The following PDLIM2 variants were observed in gnomAD, a reference collection of about 807,000 sequenced individuals.
PDLIM2 encodes the protein PDZ and LIM domain 2, also known as PDZ and LIM domain protein 2.
Under a neutral mutation model 54.1 loss-of-function variants are expected in PDLIM2, and 51 were observed. That is an observed-to-expected ratio of 0.94 (90% CI 0.75 to 1.19). PDLIM2 has a LOEUF of 1.19. Among genes scored for constraint, PDLIM2 ranks in the 50% most tolerant of loss-of-function variants. PDLIM2 has a pLI of 0.00. For missense variants in PDLIM2, 912 were observed against 874.0 expected, an observed-to-expected ratio of 1.04 and a Z score of -0.55; for synonymous variants, 398 against 385.6, an observed-to-expected ratio of 1.03 and a Z score of -0.38.
chr8:22,591,967 C>G (rs1251002615), intron 9 of PDLIM2: 1 of 268,288 alleles, frequency 3.7e-6, no homozygotes, highest in African/African-American at 2.2e-5. Context: ...TACAGCACAT[C>G]CTCTTGGAAA....
chr8:22,584,443 G>T (rs1800311096), intron 3 of PDLIM2, among the ~76,000 whole-genome samples: 1 of 151,954 alleles, frequency 6.6e-6, no homozygotes, highest in African/African-American at 2.4e-5. Context: ...CAAGTAGCTG[G>T]GACTACCGGC....
chr8:22,597,753 C>T (rs937518949), downstream of PDLIM2: 3 of 152,588 alleles, frequency 2.0e-5, no homozygotes, highest in Non-Finnish European at 4.4e-5. Flanking sequence ...TGTGATTCCA[C>T]ACATCTTCTT....
downstream of PDLIM2, chr8:22,594,629 C>T (rs1563880567): frequency 6.2e-7 from 1 of 1,613,390 alleles, no homozygotes; most frequent in Non-Finnish European, 8.5e-7. Context: ...GACCAGGAGA[C>T]CCATCCAGCC....
Position 22,583,303 on chromosome 8 carries a change from C to A in PDLIM2, c.996-1518C>A, listed in dbSNP as rs2117342654. ...CTCGCCCTTTGTTTAACTGGGGAGA[C>A]CCCTGAGAAAGGGATCAGGAGTGAC... On this transcript the variant is annotated intron_variant, in intron 3 of 9. Transcript: ENST00000308354. Among the ~76,000 whole-genome samples the A allele has an allele frequency of 1.3e-5, 2 of 152,158 alleles. 1 individual carries two copies. Among genetic ancestry groups the A allele is most frequent in the South Asian group, 4.1e-4 (2 of 4,822 alleles).
intron 6 of PDLIM2, among the ~76,000 whole-genome samples, chr8:22,587,156 CTA>C (rs1186321061): frequency 1.3e-5 from 2 of 152,178 alleles, no homozygotes; most frequent in African/African-American, 2.4e-5. Flanking sequence ...ACCTCTGACC[CTA>C]TGGAGCTGAC....
rs759378348 is a variant in PDLIM2 at position 22,584,910 on chromosome 8, T to C, written c.1065+20T>C. 10 of 1,614,026 alleles carry C rather than the reference T, an allele frequency of 6.2e-6. No homozygotes were observed. Among genetic ancestry groups the C allele is most frequent in the African/African-American group, 1.3e-5 (1 of 75,018 alleles). ...TTCCAGGTAAGCTGGTGCCCTCCCC[T>C]GACAGCCTCAGCACCCTGATCACTG... On this transcript the variant is annotated intron_variant, in intron 4 of 9. Transcript: ENST00000308354.
intron 6 of PDLIM2, chr8:22,587,607 G>A (rs1306945069): frequency 6.6e-6 from 1 of 152,248 alleles, no homozygotes; most frequent in Non-Finnish European, 1.5e-5. Context: ...TGAAGGGGGA[G>A]CAGCTTTCCT....
At chr8:22,583,488 G>A (rs1407696417) in intron 3 of PDLIM2, among the ~76,000 whole-genome samples, 3 of 152,146 alleles carry the variant, frequency 2.0e-5, no homozygotes, top group East Asian at 1.9e-4. Context: ...TAATCAGGCC[G>A]GGCGCAGTGG....
chr8:22,580,608 GC>G lies in PDLIM2; in HGVS notation c.755del (p.Ala252GlyfsTer2), dbSNP rs1375367506. Reference sequence around the variant, plus strand: ...CCTGGTCCTCTCTTCCTCAGGTATGGCGTTGACGGTGGATGTGGCCGGGCCA... The same window carrying G: ...CCTGGTCCTCTCTTCCTCAGGTATGGGTTGACGGTGGATGTGGCCGGGCCA... On this transcript the variant is annotated frameshift_variant, in exon 2 of 10. Transcript: ENST00000308354. LOFTEE classifies it high-confidence loss of function. The G allele has an allele frequency of 2.5e-6, 4 of 1,614,046 alleles. No homozygotes were observed. Among genetic ancestry groups the G allele is most frequent in the Non-Finnish European group, 3.4e-6 (4 of 1,180,010 alleles).
exon 1 of PDLIM2, chr8:22,578,899 G>A: frequency 8.1e-7 from 1 of 1,238,226 alleles, no homozygotes; most frequent in Non-Finnish European, 1.0e-6. Flanking sequence ...CGGGCAGTCG[G>A]GGGCTTGCGG....
At chr8:22,580,287 TGCCA>T (rs1320944146) in intron 1 of PDLIM2, 184 bp from the exon 1 acceptor site, 1 of 415,362 alleles carries the variant, frequency 2.4e-6, no homozygotes, top group Admixed American at 4.0e-5. Flanking sequence ...CCCCTCCACT[TGCCA>T]GCCCCTGCCC....
exon 1 of PDLIM2, chr8:22,579,415 C>T (rs1800126739): frequency 6.6e-7 from 1 of 1,513,954 alleles, no homozygotes; most frequent in African/African-American, 1.4e-5. Flanking sequence ...CCCCAGCCCG[C>T]AGGGTACTTT....
At chr8:22,591,998 T>C in intron 9 of PDLIM2, 1 of 201,306 alleles carries the variant, frequency 5.0e-6, no homozygotes, top group East Asian at 1.1e-4. Flanking sequence ...TTCCCCTTCT[T>C]CCCCCTTTGG....
exon 1 of PDLIM2, chr8:22,579,276 G>T: frequency 7.3e-7 from 1 of 1,370,200 alleles, no homozygotes; most frequent in Non-Finnish European, 9.3e-7. Flanking sequence ...CCCGGCGCCG[G>T]GCTCCTCTCC....
chr8:22,582,030 G>C (rs941612423), intron 3 of PDLIM2, among the ~76,000 whole-genome samples: 3 of 152,194 alleles, frequency 2.0e-5, no homozygotes, highest in Non-Finnish European at 2.9e-5. Context: ...GCAGATGCCC[G>C]ATCCTGGGTT....
At chr8:22,584,680 T>G in intron 3 of PDLIM2, 141 bp from the exon 3 acceptor site, 1 of 705,656 alleles carries the variant, frequency 1.4e-6, no homozygotes, top group Non-Finnish European at 2.4e-6. Context: ...TTGACAAAGT[T>G]AAAAGTTGAC....
At chr8:22,591,520 C>G (rs765880432) in intron 8 of PDLIM2, 31 bp from the exon 8 acceptor site, 6 of 1,594,768 alleles carry the variant, frequency 3.8e-6, no homozygotes, top group Admixed American at 3.3e-5. Context: ...TTGGTGGGCT[C>G]TCACCACATG....
downstream of PDLIM2, chr8:22,596,773 T>C (rs1269860059): frequency 2.0e-5 from 3 of 152,252 alleles, no homozygotes; most frequent in South Asian, 2.1e-4. Flanking sequence ...GTGCTTTTGA[T>C]GTGCTAGGGA....
At chr8:22,589,087 G>A in intron 6 of PDLIM2, 1 of 495,034 alleles carries the variant, frequency 2.0e-6, no homozygotes, top group South Asian at 2.2e-5. Flanking sequence ...TCTGCGCCCT[G>A]GCTCCGAGGG....
Sources: gnomAD v4.1 joint callset for allele counts (sites outside exome capture counted in the v4.1 genomes callset) on GRCh38, gnomAD v4.1.1 for gene constraint, MANE v1.5 for transcripts, NCBI Gene and HGNC (gene_info 2026-07-23, HGNC 2026-07-21) for gene names.